The following GRM7 variants were observed in gnomAD, a reference collection of about 807,000 sequenced individuals.
The protein encoded by GRM7 is glutamate metabotropic receptor 7, also known as metabotropic glutamate receptor 7.
Under a neutral mutation model 84.5 loss-of-function variants are expected in GRM7, and 35 were observed. The ratio of observed to expected loss-of-function variants is 0.41; its 90% CI spans 0.32 to 0.55. GRM7 has a LOEUF of 0.55. Among genes scored for constraint, GRM7 ranks in the 20% least tolerant of loss-of-function variants. The probability of loss-of-function intolerance (pLI) is 0.19; values close to 1 mark genes in which losing one functional copy is unlikely to be tolerated. For synonymous variants in GRM7, 487 were observed against 455.1 expected (o/e 1.07, Z -0.89); for missense variants, 1,003 against 1,194.6 (o/e 0.84, Z 2.36).
intron 3 of GRM7, among the ~76,000 whole-genome samples, chr3:7,304,780 A>G (rs1247084581): frequency 6.6e-6 from 1 of 152,122 alleles, no homozygotes; most frequent in African/African-American, 2.4e-5. Flanking sequence ...TAAAGATATG[A>G]TCATTCTCAT....
chr3:7,465,213 A>G (rs751501558), intron 7 of GRM7, among the ~76,000 whole-genome samples: 12 of 152,144 alleles, frequency 7.9e-5, no homozygotes, highest in Admixed American at 3.3e-4. Flanking sequence ...TAGGAAAAAC[A>G]GGCACGCTCA....
At chr3:7,621,981 C>T (rs1697382341) in intron 8 of GRM7, among the ~76,000 whole-genome samples, 1 of 152,142 alleles carries the variant, frequency 6.6e-6, no homozygotes, top group Non-Finnish European at 1.5e-5. Context: ...ACAACTCTAT[C>T]CTCATCAGAC....
chr3:6,895,826 T>C (rs1696158657), intron 1 of GRM7, among the ~76,000 whole-genome samples: 1 of 152,132 alleles, frequency 6.6e-6, no homozygotes, highest in South Asian at 2.1e-4. Context: ...AACAACTGAA[T>C]GGAAATGAAC....
At chr3:7,693,132 C>A (rs563075799) in intron 9 of GRM7, among the ~76,000 whole-genome samples, 1 of 152,136 alleles carries the variant, frequency 6.6e-6, no homozygotes, top group South Asian at 2.1e-4. Flanking sequence ...TCTCAGAATT[C>A]ATTGAAATCC....
At chr3:6,892,138 A>AT (rs796462044) in intron 1 of GRM7, among the ~76,000 whole-genome samples, 13 of 152,062 alleles carry the variant, frequency 8.5e-5, no homozygotes, top group African/African-American at 3.1e-4. Flanking sequence ...ATTCGTCTAA[A>AT]TTTTTTTCTC....
chr3:6,960,442 C>T (rs913684517), intron 1 of GRM7, among the ~76,000 whole-genome samples: 12 of 152,138 alleles, frequency 7.9e-5, no homozygotes, highest in South Asian at 6.2e-4. Context: ...GCTTCTGACA[C>T]TAATTTATCT....
At chr3:7,115,747 A>G (rs1030792942) in intron 1 of GRM7, among the ~76,000 whole-genome samples, 3 of 152,148 alleles carry the variant, frequency 2.0e-5, no homozygotes, top group Non-Finnish European at 2.9e-5. Flanking sequence ...AAGGCGACAC[A>G]TTATTCCAGA....
chr3:6,937,866 C>A (rs1203052521), intron 1 of GRM7, among the ~76,000 whole-genome samples: 1 of 152,176 alleles, frequency 6.6e-6, no homozygotes, highest in Non-Finnish European at 1.5e-5. Context: ...TAACACACTG[C>A]CACTTATTGA....
At chr3:7,448,158 A>C (rs1346592315) in intron 5 of GRM7, among the ~76,000 whole-genome samples, 1 of 151,706 alleles carries the variant, frequency 6.6e-6, no homozygotes, top group Non-Finnish European at 1.5e-5. Flanking sequence ...ATTGTTGGAC[A>C]CTTGGGTTGG....
chr3:7,252,192 A>G (rs2124940926), intron 2 of GRM7, among the ~76,000 whole-genome samples: 2 of 152,324 alleles, frequency 1.3e-5, no homozygotes, highest in East Asian at 3.9e-4. Context: ...AGAATTTGTT[A>G]CCGAGAGGCA....
chr3:7,471,431 C>A (rs965101149), intron 7 of GRM7, among the ~76,000 whole-genome samples: 1 of 152,178 alleles, frequency 6.6e-6, no homozygotes, highest in East Asian at 1.9e-4. Context: ...ACTGAGGTCC[C>A]TGTTTCTCTG....
chr3:7,449,487 G>T (rs947550510), intron 5 of GRM7, among the ~76,000 whole-genome samples: 6 of 152,046 alleles, frequency 3.9e-5, no homozygotes, highest in African/African-American at 1.4e-4. Flanking sequence ...AATTTTATTG[G>T]AAGAAATAAA....
intron 4 of GRM7, among the ~76,000 whole-genome samples, chr3:7,320,227 C>T (rs989580380): frequency 7.9e-5 from 12 of 151,912 alleles, no homozygotes; most frequent in Non-Finnish European, 1.2e-4. Flanking sequence ...TTGCTAGACT[C>T]ATGGCTGAGA....
intron 4 of GRM7, among the ~76,000 whole-genome samples, chr3:7,397,958 A>C (rs1232658179): frequency 6.6e-6 from 1 of 152,102 alleles, no homozygotes; most frequent in African/African-American, 2.4e-5. Flanking sequence ...CAAAACGTGG[A>C]TGCACCCAAG....
At chr3:7,158,368 C>T (rs893254747) in intron 2 of GRM7, among the ~76,000 whole-genome samples, 1 of 152,092 alleles carries the variant, frequency 6.6e-6, no homozygotes, top group African/African-American at 2.4e-5. Context: ...CCCTGCCCAA[C>T]AAACTTTGCA....
chr3:7,047,609 T>A (rs1696849526), intron 1 of GRM7, among the ~76,000 whole-genome samples: 1 of 152,018 alleles, frequency 6.6e-6, no homozygotes, highest in South Asian at 2.1e-4. Flanking sequence ...GGATAAGTGG[T>A]CCCTATTGTC....
At chr3:7,170,513 C>G (rs1694949404) in intron 2 of GRM7, among the ~76,000 whole-genome samples, 1 of 152,160 alleles carries the variant, frequency 6.6e-6, no homozygotes, top group South Asian at 2.1e-4. Context: ...CTGGAGCCTT[C>G]TACTTCAAGT....
chr3:7,133,534 G>A (rs1360508851), intron 1 of GRM7, among the ~76,000 whole-genome samples: 1 of 152,186 alleles, frequency 6.6e-6, no homozygotes, highest in African/African-American at 2.4e-5. Context: ...ACATCACCAA[G>A]TTTGAGAAAT....
intron 1 of GRM7, among the ~76,000 whole-genome samples, chr3:6,885,772 T>C (rs1193344519): frequency 2.0e-5 from 3 of 152,262 alleles, no homozygotes; most frequent in African/African-American, 7.2e-5. Context: ...TCTGAAGTTT[T>C]GTAGCAGCAA....
Sources: allele counts gnomAD v4.1 joint callset (sites outside exome capture counted in the v4.1 genomes callset), GRCh38; gene constraint gnomAD v4.1.1; transcripts MANE v1.5; gene names NCBI Gene and HGNC (gene_info 2026-07-23, HGNC 2026-07-21).